ARL6: variants seen among roughly 807,000 people sequenced by gnomAD.
The protein encoded by ARL6 is ADP-ribosylation factor-like protein 6.
ARL6 carries 18 observed loss-of-function variants against 27.1 expected under a neutral mutation model. The ratio of observed to expected loss-of-function variants is 0.66; its 90% CI spans 0.46 to 0.98. The LOEUF is 0.98. ARL6 is among the 50% of genes least tolerant of loss of function. The probability of loss-of-function intolerance (pLI) is 0.00; values close to 1 mark genes in which losing one functional copy is unlikely to be tolerated. For synonymous variants in ARL6, 65 were observed against 72.3 expected, an observed-to-expected ratio of 0.90 and a Z score of 0.51; for missense variants, 187 against 214.9, an observed-to-expected ratio of 0.87 and a Z score of 0.81.
In ARL6 at chr3:97,800,272, A is replaced by G. The variant is rs2038196106; in HGVS notation, c.*2223A>G. On this transcript the variant is annotated 3_prime_UTR_variant, in exon 8 of 8. Coordinates refer to ENST00000463745, the MANE Select transcript of ARL6 (RefSeq NM_001278293.3). ...AAAGATTATGTAGAAGTTGGGCAAC[A>G]GTGTAGTCACAGGATGTCATATAAG... The G allele has an allele frequency of 6.6e-6, 1 of 152,174 alleles. No individual in the cohort carries two copies. Among genetic ancestry groups the G allele is most frequent in the African/African-American group, 2.4e-5 (1 of 41,454 alleles). The allele number at this position is 152,174 out of a possible 1,614,324, so 9.4% of individuals were successfully genotyped here. A position where few individuals can be genotyped will look rare whatever the true frequency, so the allele number is the denominator to read the frequency against.
rs1016044604 is a variant in ARL6, at chr3:97,798,583, T to C, written c.*534T>C. On this transcript the variant is annotated 3_prime_UTR_variant, in exon 8 of 8. Transcript: ENST00000463745. The stretch of plus-strand genomic sequence containing the variant: ...TGAAAAGAATAATGCTCTGTTAGTA[T>C]GGTATTTCGTGTCATACTGTCAAGC... The C allele has an allele frequency of 1.3e-5, 2 of 152,906 alleles. No individual in the cohort carries two copies. The highest frequency in any genetic ancestry group is 2.9e-5 in the Non-Finnish European group (2 of 68,622). 9.5% of individuals were successfully genotyped at this position (152,906 alleles called of 1,614,324 possible).
At chr3:97,777,397 T>C (rs746527589) in intron 2 of ARL6, among the ~76,000 whole-genome samples, 5 of 152,104 alleles carry the variant, frequency 3.3e-5, no homozygotes, top group Admixed American at 6.6e-5. Flanking sequence ...TAAAATGGTA[T>C]AGTATTTGCA....
At chr3:97,764,727 A>C (rs1242889501), upstream of ARL6, 1 of 152,356 alleles carries the variant, frequency 6.6e-6, no homozygotes, top group Non-Finnish European at 1.5e-5. Context: ...GACCGGAAGA[A>C]GCTCCTGTTG....
At chr3:97,792,380 G>A (rs1352588430) in intron 7 of ARL6, among the ~76,000 whole-genome samples, 2 of 152,106 alleles carry the variant, frequency 1.3e-5, no homozygotes, top group African/African-American at 4.8e-5. Flanking sequence ...CTACTCAGGA[G>A]GCTGAGTCAG....
Position 97,799,480 on chromosome 3 carries a change from G to A in ARL6, c.*1431G>A, listed in dbSNP as rs2038155421. 2 of 151,992 alleles carry A rather than the reference G, an allele frequency of 1.3e-5. No homozygotes were observed. Among genetic ancestry groups the A allele is most frequent in the South Asian group, 4.1e-4 (2 of 4,836 alleles). The allele number at this position is 151,992 out of a possible 1,614,324, so 9.4% of individuals were successfully genotyped here. On this transcript the variant is annotated 3_prime_UTR_variant, in exon 8 of 8. Coordinates refer to ENST00000463745, the MANE Select transcript of ARL6 (RefSeq NM_001278293.3). Reference sequence around the variant, plus strand: ...AAAATGAAAATCTCATTAATCTAAAGTTGCTGCAGATATAGGAAGGACATA... The same window carrying A: ...AAAATGAAAATCTCATTAATCTAAAATTGCTGCAGATATAGGAAGGACATA...
intron 7 of ARL6, among the ~76,000 whole-genome samples, chr3:97,793,213 G>A (rs902294228): frequency 6.6e-6 from 1 of 152,112 alleles, no homozygotes; most frequent in Non-Finnish European, 1.5e-5. Context: ...AAACTGCAAG[G>A]AACATTCAAG....
At chr3:97,790,036 T>C (rs1436410519) in intron 6 of ARL6, among the ~76,000 whole-genome samples, 1 of 149,526 alleles carries the variant, frequency 6.7e-6, no homozygotes, top group Non-Finnish European at 1.5e-5. Flanking sequence ...TTTGACTCAA[T>C]CCCTGGCATC....
At chr3:97,765,029 A>G (rs2036300377) in intron 1 of ARL6, 52 bp downstream of exon 1, 1 of 152,176 alleles carries the variant, frequency 6.6e-6, no homozygotes, top group Non-Finnish European at 1.5e-5. Context: ...TGTCCCCGTC[A>G]GTTTTAGAAT....
intron 7 of ARL6, among the ~76,000 whole-genome samples, chr3:97,797,806 C>T (rs978492205): frequency 6.6e-6 from 1 of 152,078 alleles, no homozygotes; most frequent in African/African-American, 2.4e-5. Flanking sequence ...CTTGTAGTCT[C>T]AACTACTAGA....
intron 7 of ARL6, among the ~76,000 whole-genome samples, chr3:97,794,217 GTT>G (rs1553695856): frequency 4.8e-5 from 7 of 145,796 alleles, no homozygotes; most frequent in South Asian, 2.1e-4. Flanking sequence ...GTGTGTGTGT[GTT>G]TTTGAGATGG....
Position 97,788,045 on chromosome 3 carries a change from A to T in ARL6, c.405A>T (p.Arg135Ser), listed in dbSNP as rs757426051. ...TCTTTGCAAATAAAATGGATCTTAG[A>T]GATGCAGTGACATCTGTAAAAGTGT... Reference protein sequence around the residue: ...ILFFANKMDLRDAVTSVKVSQ... With the variant: ...ILFFANKMDLSDAVTSVKVSQ... Residue 135 changes from arginine to serine, a missense_variant, in exon 6 of 8, where the codon AGA becomes AGT. Coordinates refer to ENST00000463745, the MANE Select transcript of ARL6 (RefSeq NM_001278293.3). The T allele has an allele frequency of 6.2e-7, 1 of 1,612,984 alleles. No individual in the cohort carries two copies. Among genetic ancestry groups the T allele is most frequent in the East Asian group, 2.2e-5 (1 of 44,808 alleles).
intron 7 of ARL6, among the ~76,000 whole-genome samples, chr3:97,792,403 A>C (rs1262082859): frequency 3.3e-5 from 5 of 152,154 alleles, no homozygotes; most frequent in Non-Finnish European, 7.4e-5. Flanking sequence ...GAATCATTTG[A>C]ACCCAGGAGA....
At chr3:97,784,475 A>T (rs1349379756) in intron 4 of ARL6, among the ~76,000 whole-genome samples, 1 of 150,494 alleles carries the variant, frequency 6.6e-6, no homozygotes, top group Non-Finnish European at 1.5e-5. Context: ...GTAAAACCAT[A>T]GTAGTAAAAA....
At chr3:97,792,518 T>C (rs1328993161) in intron 7 of ARL6, among the ~76,000 whole-genome samples, 3 of 152,184 alleles carry the variant, frequency 2.0e-5, no homozygotes, top group Admixed American at 1.3e-4. Context: ...ATACTACAGA[T>C]ATAGCTCCAT....
rs541974703 is a variant in ARL6, at chr3:97,773,921, G to A, written c.123+5691G>A. Among the ~76,000 whole-genome samples the A allele has an allele frequency of 2.0e-5, 3 of 152,294 alleles. No individual in the cohort carries two copies. In the South Asian group the frequency reaches 6.2e-4, roughly 32 times the overall value. ...GTTTGTTTGTTTGTTTTTCCTGGTG[G>A]AGTGACCCAAACCTTCATTCCTGGA... On this transcript the variant is annotated intron_variant, in intron 2 of 7. Coordinates refer to ENST00000463745, the MANE Select transcript of ARL6 (RefSeq NM_001278293.3).
Position 97,780,554 on chromosome 3 carries a change from AATTTT to A in ARL6, c.186-59_186-55del, listed in dbSNP as rs1272435470. The A allele has an allele frequency of 9.4e-6, 13 of 1,382,222 alleles. No homozygotes were observed. In the East Asian group the frequency reaches 3.0e-4, roughly 32 times the overall value. The allele number at this position is 1,382,222 out of a possible 1,614,324, so 85.6% of individuals were successfully genotyped here. A position where few individuals can be genotyped will look rare whatever the true frequency, so the allele number is the denominator to read the frequency against. Reference sequence around the variant, plus strand: ...ATTTCTTTGATTGTAAATAATTTAAAATTTTAAGTAAAAGTTATGCTTTAGTTTAT... The same window carrying A: ...ATTTCTTTGATTGTAAATAATTTAAAAAGTAAAAGTTATGCTTTAGTTTAT... On this transcript the variant is annotated intron_variant, in intron 3 of 7. Coordinates refer to ENST00000463745, the MANE Select transcript of ARL6 (RefSeq NM_001278293.3).
chr3:97,789,484 T>C (rs2037618788), intron 6 of ARL6, among the ~76,000 whole-genome samples: 1 of 152,180 alleles, frequency 6.6e-6, no homozygotes, highest in Admixed American at 6.6e-5. Flanking sequence ...CTTAAAATAA[T>C]TAACCATTAC....
intron 2 of ARL6, among the ~76,000 whole-genome samples, chr3:97,775,088 T>C (rs1462084916): frequency 1.3e-5 from 2 of 151,884 alleles, no homozygotes; most frequent in African/African-American, 2.4e-5. Context: ...AAAAGTAGAG[T>C]CCTTAGCATT....
chr3:97,787,988 A>C lies in ARL6; in HGVS notation c.350-2A>C. 1 of 1,613,140 alleles carries C rather than the reference A, an allele frequency of 6.2e-7. No individual in the cohort carries two copies. The highest frequency in any genetic ancestry group is 1.7e-5 in the Admixed American group (1 of 59,938). ...TGATGATAATCTTATTTTCTCTTTT[A>C]GATATTAAACACCGTCGAATTCCAA... On this transcript the variant is annotated splice_acceptor_variant, in intron 5 of 7. Coordinates refer to ENST00000463745, the MANE Select transcript of ARL6 (RefSeq NM_001278293.3). LOFTEE classifies it high-confidence loss of function.
Sources: gnomAD v4.1 joint callset for allele counts (sites outside exome capture counted in the v4.1 genomes callset) on GRCh38, gnomAD v4.1.1 for gene constraint, MANE v1.5 for transcripts, NCBI Gene and HGNC (gene_info 2026-07-23, HGNC 2026-07-21) for gene names.